GSE1: variants seen among roughly 807,000 people sequenced by gnomAD.
GSE1 encodes the protein genetic suppressor element 1.
A neutral mutation model predicts 112.6 loss-of-function variants in GSE1; 32 were observed. That is an observed-to-expected ratio of 0.28 (90% CI 0.21 to 0.38). The LOEUF (loss-of-function observed/expected upper bound fraction) is 0.38, where lower values mean the gene tolerates loss of function less well. Among genes scored for constraint, GSE1 ranks in the 10% least tolerant of loss-of-function variants. The pLI, the probability that GSE1 is intolerant of heterozygous loss-of-function variation, is 1.00. For missense variants in GSE1, 2,348 were observed against 1,699.2 expected (o/e 1.38, Z -6.71); for synonymous variants, 1,115 against 735.6 (o/e 1.52, Z -8.35).
intron 1 of GSE1, among the ~76,000 whole-genome samples, chr16:85,312,806 G>A (rs2045890480): frequency 6.6e-6 from 1 of 151,918 alleles, no homozygotes; most frequent in Admixed American, 6.6e-5. Context: ...GGAGGAGGAG[G>A]AGGTCTCGTC....
At chr16:85,322,066 A>C (rs561606768) in intron 1 of GSE1, among the ~76,000 whole-genome samples, 1 of 152,360 alleles carries the variant, frequency 6.6e-6, no homozygotes, top group South Asian at 2.1e-4. Flanking sequence ...CTGCGTGGGA[A>C]GGTGCCTGAG....
At chr16:85,609,800 A>C (rs1294242259), upstream of GSE1, among the ~76,000 whole-genome samples, 1 of 152,092 alleles carries the variant, frequency 6.6e-6, no homozygotes, top group African/African-American at 2.4e-5. Flanking sequence ...GACTACAGGC[A>C]CACGCCACCA....
chr16:85,665,791 C>G (rs1476456837), intron 12 of GSE1, among the ~76,000 whole-genome samples, 185 bp from the exon 13 acceptor site: 1 of 152,212 alleles, frequency 6.6e-6, no homozygotes, highest in Non-Finnish European at 1.5e-5. Flanking sequence ...GGACTTGCCA[C>G]TAAACACCCC....
intron 1 of GSE1, among the ~76,000 whole-genome samples, chr16:85,242,674 G>A (rs926437100): frequency 3.9e-5 from 6 of 152,188 alleles, no homozygotes; most frequent in African/African-American, 1.2e-4. Context: ...ATACGACAGC[G>A]ACCCCGACCC....
intron 2 of GSE1, among the ~76,000 whole-genome samples, chr16:85,466,697 TATATAGAGAG>T (rs1250778191): frequency 8.1e-6 from 1 of 123,842 alleles, no homozygotes; most frequent in Non-Finnish European, 1.7e-5. Context: ...GAAATATATA[TATATAGAGAG>T]AGAGAGGGAG....
At chr16:85,327,412 G>A (rs993684269) in intron 1 of GSE1, among the ~76,000 whole-genome samples, 1 of 152,212 alleles carries the variant, frequency 6.6e-6, no homozygotes, top group African/African-American at 2.4e-5. Context: ...AGACCAGCCT[G>A]GGCAGCATGG....
At chr16:85,624,394 G>C (rs1436222557) in intron 1 of GSE1, among the ~76,000 whole-genome samples, 5 of 152,218 alleles carry the variant, frequency 3.3e-5, no homozygotes. Flanking sequence ...GGTGCCCTCT[G>C]GCTGAGAGCT....
chr16:85,501,437 G>T (rs116677129), intron 2 of GSE1, among the ~76,000 whole-genome samples: 2,270 of 147,904 alleles, frequency 0.015, 68 homozygotes, highest in African/African-American at 0.054. Context: ...GTGTTGCCCA[G>T]GCTGGAGTGT....
chr16:85,382,959 G>A (rs1567724581), intron 2 of GSE1, among the ~76,000 whole-genome samples: 1 of 147,378 alleles, frequency 6.8e-6, no homozygotes. Context: ...GCACACACGT[G>A]CACACACATG....
At chr16:85,624,324 G>T (rs930137237) in intron 1 of GSE1, among the ~76,000 whole-genome samples, 3 of 152,202 alleles carry the variant, frequency 2.0e-5, no homozygotes, top group African/African-American at 7.2e-5. Context: ...AGGCAGCCTG[G>T]TCAGCTCTGG....
chr16:85,284,407 G>T (rs928997856), intron 1 of GSE1, among the ~76,000 whole-genome samples: 1 of 152,184 alleles, frequency 6.6e-6, no homozygotes, highest in African/African-American at 2.4e-5. Context: ...GAGGACTCTG[G>T]GAGGTGCCAG....
At chr16:85,643,470 C>T (rs576180350) in intron 2 of GSE1, among the ~76,000 whole-genome samples, 5 of 149,216 alleles carry the variant, frequency 3.4e-5, no homozygotes, top group Admixed American at 6.7e-5. Context: ...CCCCACCCTT[C>T]ACCCACCCCT....
intron 2 of GSE1, among the ~76,000 whole-genome samples, chr16:85,489,339 G>A (rs959754470): frequency 9.2e-5 from 14 of 152,160 alleles, no homozygotes; most frequent in Admixed American, 9.2e-4. Context: ...GATGCAAGAG[G>A]CTAGTGGCCC....
At chr16:85,518,353 G>T (rs2052023770) in intron 2 of GSE1, among the ~76,000 whole-genome samples, 1 of 152,176 alleles carries the variant, frequency 6.6e-6, no homozygotes, top group African/African-American at 2.4e-5. Flanking sequence ...CCACAGGACG[G>T]TGCCCTGACC....
chr16:85,623,325 C>G (rs1339545880), intron 1 of GSE1, among the ~76,000 whole-genome samples: 1 of 152,004 alleles, frequency 6.6e-6, no homozygotes, highest in East Asian at 1.9e-4. Flanking sequence ...AGCGATCCCC[C>G]ACCTCGGCCT....
chr16:85,660,802 T>G (rs2052364580), intron 8 of GSE1, among the ~76,000 whole-genome samples: 1 of 152,030 alleles, frequency 6.6e-6, no homozygotes, highest in Non-Finnish European at 1.5e-5. Context: ...GGCTAATTTT[T>G]GTATTTTTTA....
intron 2 of GSE1, among the ~76,000 whole-genome samples, chr16:85,636,039 G>C (rs77554646): frequency 6.6e-6 from 1 of 152,190 alleles, no homozygotes; most frequent in Admixed American, 6.5e-5. Flanking sequence ...GCCAGAGGCC[G>C]CTGGTCCCCA....
chr16:85,410,834 C>G (rs2048508547), intron 2 of GSE1, among the ~76,000 whole-genome samples: 2 of 62,988 alleles, frequency 3.2e-5, no homozygotes, highest in Admixed American at 3.3e-4. Flanking sequence ...GGATAATCCT[C>G]ACTGTTACTC....
At chr16:85,411,338 G>C (rs2048539321) in intron 2 of GSE1, among the ~76,000 whole-genome samples, 1 of 15,356 alleles carries the variant, frequency 6.5e-5, no homozygotes, top group Non-Finnish European at 1.5e-4. Context: ...GTTACACTCA[G>C]GGCCCCCCTG....
Sources: allele counts gnomAD v4.1 joint callset (sites outside exome capture counted in the v4.1 genomes callset), GRCh38; gene constraint gnomAD v4.1.1; transcripts MANE v1.5; gene names NCBI Gene and HGNC (gene_info 2026-07-23, HGNC 2026-07-21).